The following AUTS2 variants were observed in gnomAD, a reference collection of about 807,000 sequenced individuals.
The protein encoded by AUTS2 is activator of transcription and developmental regulator AUTS2.
Under a neutral mutation model 112.4 loss-of-function variants are expected in AUTS2, and 17 were observed. The observed-to-expected ratio is 0.15, with a 90% CI of 0.10 to 0.23. AUTS2 has a LOEUF of 0.23. Ranked by LOEUF, AUTS2 falls within the 10% of genes least tolerant of loss-of-function variation. AUTS2 has a pLI of 1.00. For missense variants in AUTS2, 1,510 were observed against 1,701.6 expected, an observed-to-expected ratio of 0.89 and a Z score of 1.98; for synonymous variants, 751 against 702.7, an observed-to-expected ratio of 1.07 and a Z score of -1.09.
intron 5 of AUTS2, among the ~76,000 whole-genome samples, chr7:70,668,806 C>T (rs959443581): frequency 6.6e-6 from 1 of 152,204 alleles, no homozygotes. Flanking sequence ...TTACTCTTGT[C>T]AGAATGGTGC....
intron 1 of AUTS2, among the ~76,000 whole-genome samples, chr7:69,766,055 T>A (rs931787285): frequency 5.3e-5 from 8 of 152,292 alleles, no homozygotes; most frequent in African/African-American, 1.9e-4. Flanking sequence ...TCTCCAGAAC[T>A]CTCCGTCTTG....
intron 5 of AUTS2, among the ~76,000 whole-genome samples, chr7:70,541,833 G>A (rs1441249160): frequency 1.3e-5 from 2 of 152,200 alleles, no homozygotes; most frequent in Non-Finnish European, 2.9e-5. Flanking sequence ...GTTGGCCAAG[G>A]AAAGAGCTAG....
intron 4 of AUTS2, among the ~76,000 whole-genome samples, chr7:70,250,789 C>T (rs1192792460): frequency 6.6e-6 from 1 of 152,110 alleles, no homozygotes. Flanking sequence ...TGCAAGTTCT[C>T]ACCTATGAGT....
chr7:70,402,739 T>C (rs1265847349), intron 4 of AUTS2, among the ~76,000 whole-genome samples: 2 of 152,132 alleles, frequency 1.3e-5, no homozygotes, highest in Admixed American at 6.5e-5. Context: ...CAGTCTCCAA[T>C]TGTAAAGGGC....
At chr7:69,800,188 C>A (rs1367158773) in intron 1 of AUTS2, among the ~76,000 whole-genome samples, 1 of 152,162 alleles carries the variant, frequency 6.6e-6, no homozygotes, top group African/African-American at 2.4e-5. Flanking sequence ...GTATTCCCAG[C>A]TGCCTTGTGG....
intron 5 of AUTS2, among the ~76,000 whole-genome samples, chr7:70,464,751 T>C (rs1203648502): frequency 6.6e-6 from 1 of 152,216 alleles, no homozygotes; most frequent in African/African-American, 2.4e-5. Flanking sequence ...TCTGGTTAAC[T>C]GGAATATGAG....
chr7:70,056,519 C>G (rs1452345412), intron 2 of AUTS2, among the ~76,000 whole-genome samples: 1 of 152,200 alleles, frequency 6.6e-6, no homozygotes, highest in East Asian at 1.9e-4. Context: ...CAGTTAATCT[C>G]AGTGCTCGGG....
Position 70,729,938 on chromosome 7 carries a change from A to G in AUTS2, c.742+31318A>G, listed in dbSNP as rs74425064. On this transcript the variant is annotated intron_variant, in intron 6 of 18. Transcript: ENST00000342771. ...GGCCCCATCACCCAGGCTGGAGTGC[A>G]ATGGCGCAATCTCGGCTCACTGCAA... Among the ~76,000 whole-genome samples the G allele has an allele frequency of 3.2e-3, 491 of 152,258 alleles. 1 individual carries two copies. The highest frequency in any genetic ancestry group is 0.011 in the African/African-American group (455 of 41,542).
In AUTS2 at chr7:70,791,022, A is replaced by C. The variant is rs758757955; in HGVS notation, c.*26A>C. On this transcript the variant is annotated 3_prime_UTR_variant, in exon 19 of 19. Transcript: ENST00000342771. ...GCCGAGAACAGGAGCAAGAACGAGG[A>C]AGAAGAAACCCTAGGCAGACACCAG... 3 of 1,475,780 alleles carry C rather than the reference A, an allele frequency of 2.0e-6. No homozygotes were observed. In the East Asian group the frequency reaches 7.1e-5, roughly 35 times the overall value. 91.4% of individuals were successfully genotyped at this position (1,475,780 alleles called of 1,614,324 possible).
chr7:69,778,896 T>G (rs978570105), intron 1 of AUTS2, among the ~76,000 whole-genome samples: 3 of 152,004 alleles, frequency 2.0e-5, no homozygotes, highest in Non-Finnish European at 2.9e-5. Flanking sequence ...TAGATGTGTG[T>G]GTGTTTGGGG....
intron 5 of AUTS2, among the ~76,000 whole-genome samples, chr7:70,565,046 C>T (rs552788925): frequency 2.6e-5 from 4 of 151,906 alleles, no homozygotes; most frequent in Non-Finnish European, 2.9e-5. Context: ...TGCAGTGAGC[C>T]GAGGTCGTGC....
At chr7:70,437,427 C>T (rs551023920) in intron 5 of AUTS2, 2 of 152,418 alleles carry the variant, frequency 1.3e-5, no homozygotes, top group East Asian at 3.9e-4. Context: ...GGGACTGGTA[C>T]CTTCTGGCCA....
chr7:70,343,250 C>G (rs1791352385), intron 4 of AUTS2, among the ~76,000 whole-genome samples: 2 of 152,188 alleles, frequency 1.3e-5, no homozygotes, highest in Admixed American at 1.3e-4. Context: ...AGTTAACAAC[C>G]TGGACAGACA....
At chr7:69,832,509 T>TC (rs1377145866) in intron 1 of AUTS2, among the ~76,000 whole-genome samples, 1 of 152,268 alleles carries the variant, frequency 6.6e-6, no homozygotes, top group East Asian at 1.9e-4. Context: ...CATTACAGAC[T>TC]CCCCTGCTTC....
chr7:70,229,041 A>G (rs1005385111), intron 4 of AUTS2, among the ~76,000 whole-genome samples: 1 of 151,740 alleles, frequency 6.6e-6, no homozygotes, highest in Non-Finnish European at 1.5e-5. Context: ...TAATCTTTCT[A>G]TATTATATGT....
chr7:70,018,379 A>G (rs1037949847), intron 2 of AUTS2, among the ~76,000 whole-genome samples: 1 of 152,210 alleles, frequency 6.6e-6, no homozygotes, highest in Non-Finnish European at 1.5e-5. Context: ...ACAAAATCAC[A>G]CTTTATCAGG....
At chr7:70,772,954 C>T (rs756027655) in intron 11 of AUTS2, among the ~76,000 whole-genome samples, 25 of 152,246 alleles carry the variant, frequency 1.6e-4, no homozygotes, top group Non-Finnish European at 2.4e-4. Context: ...CTATTTCCCT[C>T]GCTCACAATT....
intron 6 of AUTS2, among the ~76,000 whole-genome samples, chr7:70,736,187 G>C (rs538028409): frequency 6.6e-6 from 1 of 151,996 alleles, no homozygotes; most frequent in East Asian, 1.9e-4. Flanking sequence ...GGGAATGAAA[G>C]GCAAGATTAT....
chr7:70,372,957 T>C (rs1429942571), intron 4 of AUTS2, among the ~76,000 whole-genome samples: 1 of 152,094 alleles, frequency 6.6e-6, no homozygotes, highest in Admixed American at 6.6e-5. Flanking sequence ...GAAGTTGTAG[T>C]GCATATTGTT....
Sources: gnomAD v4.1 joint callset for allele counts (sites outside exome capture counted in the v4.1 genomes callset) on GRCh38, gnomAD v4.1.1 for gene constraint, MANE v1.5 for transcripts, NCBI Gene and HGNC (gene_info 2026-07-23, HGNC 2026-07-21) for gene names.